Variants in IL23R observed in about 807,000 individuals in gnomAD.
IL23R encodes interleukin-23 receptor.
A neutral mutation model predicts 56.9 loss-of-function variants in IL23R; 34 were observed. That is an observed-to-expected ratio of 0.60 (90% CI 0.45 to 0.80). The LOEUF is 0.80. Ranked by LOEUF, IL23R falls within the 30% of genes least tolerant of loss-of-function variation. The pLI is 0.00. For synonymous variants in IL23R, 230 were observed against 249.2 expected (o/e 0.92, Z 0.73); for missense variants, 635 against 730.0 (o/e 0.87, Z 1.50).
intron 9 of IL23R, among the ~76,000 whole-genome samples, chr1:67,242,063 G>C (rs1434259857): frequency 6.6e-6 from 1 of 152,164 alleles, no homozygotes; most frequent in Non-Finnish European, 1.5e-5. Context: ...CTTTACAGTA[G>C]AATCTGCTAT....
intron 1 of IL23R, 41 bp from the exon 2 acceptor site, chr1:67,168,050 TA>T: frequency 1.8e-6 from 2 of 1,100,278 alleles, no homozygotes; most frequent in Non-Finnish European, 2.8e-6. Flanking sequence ...ATTATTTTAC[TA>T]AAATACTACA....
Position 67,182,933 on chromosome 1 carries a change from C to A in IL23R, c.465C>A (p.Asp155Glu). The A allele has an allele frequency of 6.2e-7, 1 of 1,614,102 alleles. No individual in the cohort carries two copies. The highest frequency in any genetic ancestry group is 8.5e-7 in the Non-Finnish European group (1 of 1,179,964). Residue 155 changes from aspartate to glutamate, a missense_variant, in exon 4 of 11, where the codon GAC becomes GAA. Asp to Glu is a conservative substitution (Grantham distance 45). Coordinates refer to ENST00000347310, the MANE Select transcript of IL23R (RefSeq NM_144701.3). ...ATGCTGGGAAGCTCACCTACATAGA[C>A]ACAAAATACGTGGTACATGTGAAGA... ...TWNAGKLTYIDTKYVVHVKSL... is the reference protein window; with the variant it reads ...TWNAGKLTYIETKYVVHVKSL...
chr1:67,203,425 T>G (rs1231285152), intron 5 of IL23R, among the ~76,000 whole-genome samples: 2 of 152,180 alleles, frequency 1.3e-5, no homozygotes, highest in Non-Finnish European at 2.9e-5. Flanking sequence ...CTTCTCACAC[T>G]GGGAACTAGG....
At chr1:67,246,712 G>A (rs182659890) in intron 9 of IL23R, among the ~76,000 whole-genome samples, 14 of 152,280 alleles carry the variant, frequency 9.2e-5, no homozygotes, top group South Asian at 2.1e-4. Flanking sequence ...TGCATTTGCT[G>A]AGGAGTGTTT....
chr1:67,150,248 C>CTTTTTTTTTTTTTTTT (rs552806817), intron 1 of IL23R, among the ~76,000 whole-genome samples: 4 of 110,266 alleles, frequency 3.6e-5, no homozygotes, highest in Non-Finnish European at 5.3e-5. Flanking sequence ...GCATTTCGAA[C>CTTTTTTTTTTTTTTTT]TTTTTTTTTT....
At chr1:67,222,598 T>C (rs1430998328) in intron 7 of IL23R, among the ~76,000 whole-genome samples, 3 of 152,196 alleles carry the variant, frequency 2.0e-5, no homozygotes, top group Non-Finnish European at 2.9e-5. Context: ...TTATGCAAAT[T>C]GATAACTACC....
chr1:67,204,127 G>C (rs1026994266), intron 5 of IL23R, among the ~76,000 whole-genome samples: 2 of 151,934 alleles, frequency 1.3e-5, no homozygotes, highest in African/African-American at 2.4e-5. Flanking sequence ...GCAGTGGCGC[G>C]ATCTCGGCTC....
At chr1:67,260,596 A>G (rs76922271), downstream of IL23R, among the ~76,000 whole-genome samples, 150 of 152,302 alleles carry the variant, frequency 9.8e-4, no homozygotes, top group African/African-American at 3.5e-3. Context: ...GATTAAATCT[A>G]TCTACCAATG....
chr1:67,172,985 G>C (rs548103815), intron 3 of IL23R, among the ~76,000 whole-genome samples: 1 of 152,244 alleles, frequency 6.6e-6, no homozygotes, highest in East Asian at 1.9e-4. Context: ...CTGTTTTCAA[G>C]AAGTTCTCAG....
At chr1:67,187,873 C>G (rs1190574155) in intron 4 of IL23R, among the ~76,000 whole-genome samples, 1 of 152,020 alleles carries the variant, frequency 6.6e-6, no homozygotes, top group African/African-American at 2.4e-5. Context: ...CAAGACCAGC[C>G]TGGCCAATAT....
chr1:67,168,306 A>G (rs1570773464), intron 2 of IL23R, 116 bp downstream of exon 2: 1 of 844,576 alleles, frequency 1.2e-6, no homozygotes, highest in Non-Finnish European at 2.0e-6. Context: ...TTATTAGACT[A>G]GAAAAAATGT....
chr1:67,256,308 G>A (rs901874850), intron 10 of IL23R, among the ~76,000 whole-genome samples: 17 of 152,186 alleles, frequency 1.1e-4, no homozygotes, highest in African/African-American at 4.1e-4. Flanking sequence ...TGTTTCACAT[G>A]AGATGGAGAG....
chr1:67,198,394 G>A (rs551320071), intron 4 of IL23R, among the ~76,000 whole-genome samples: 1 of 152,320 alleles, frequency 6.6e-6, no homozygotes, highest in Admixed American at 6.5e-5. Context: ...TCTGTCCAAA[G>A]CCAGTGAAAA....
At chr1:67,154,404 A>G (rs1288670432) in intron 1 of IL23R, among the ~76,000 whole-genome samples, 2 of 152,130 alleles carry the variant, frequency 1.3e-5, no homozygotes, top group Non-Finnish European at 2.9e-5. Flanking sequence ...GTCTCTCTGT[A>G]AGTCTCTAAG....
At chr1:67,249,937 T>C (rs1395047450) in intron 9 of IL23R, among the ~76,000 whole-genome samples, 4 of 152,210 alleles carry the variant, frequency 2.6e-5, no homozygotes, top group African/African-American at 9.6e-5. Flanking sequence ...TTTTAATTTA[T>C]AGAAAAACTT....
chr1:67,200,822 T>C lies in IL23R; in HGVS notation c.577T>C (p.Leu193=). ...TDSLQGGKKY[L]VWVQAANALG... ...TTCATTACAAGGTGGCAAGAAGTAC[T>C]TGGTTTGGGTCCAAGCAGCAAACGC... is the stretch of plus-strand genomic sequence containing the variant. The change falls in exon 5 of 11, where the codon TTG becomes CTG. Residue 193 remains leucine (L), a synonymous_variant. Transcript: ENST00000347310. 1 of 1,614,102 alleles carries C rather than the reference T, an allele frequency of 6.2e-7. No homozygotes were observed. Among genetic ancestry groups the C allele is most frequent in the Non-Finnish European group, 8.5e-7 (1 of 1,180,008 alleles).
At chr1:67,165,903 C>A (rs568858915), upstream of IL23R, among the ~76,000 whole-genome samples, 4 of 152,226 alleles carry the variant, frequency 2.6e-5, no homozygotes, top group South Asian at 8.3e-4. Flanking sequence ...AGTATGGTGA[C>A]CATAGTTAAC....
At chr1:67,227,759 T>C (rs1650713414) in intron 7 of IL23R, among the ~76,000 whole-genome samples, 1 of 152,258 alleles carries the variant, frequency 6.6e-6, no homozygotes, top group Non-Finnish European at 1.5e-5. Flanking sequence ...TATTGGTTAC[T>C]AACCCATGTT....
At chr1:67,264,446 A>C (rs923328204), downstream of IL23R, among the ~76,000 whole-genome samples, 8 of 152,250 alleles carry the variant, frequency 5.3e-5, no homozygotes, top group African/African-American at 1.9e-4. Context: ...AATATTACCC[A>C]TTTGGCAGAC....
Sources: allele counts gnomAD v4.1 joint callset (sites outside exome capture counted in the v4.1 genomes callset), GRCh38; gene constraint gnomAD v4.1.1; transcripts MANE v1.5; gene names NCBI Gene and HGNC (gene_info 2026-07-23, HGNC 2026-07-21).